Variants in CD226 observed in about 807,000 individuals in gnomAD.
CD226 encodes CD226 molecule.
CD226 carries 24 observed loss-of-function variants against 34.9 expected under a neutral mutation model. The observed-to-expected ratio is 0.69, with a 90% confidence interval of 0.50 to 0.97. The LOEUF (loss-of-function observed/expected upper bound fraction) is 0.97. Among genes scored for constraint, CD226 ranks in the 50% least tolerant of loss-of-function variants. The pLI is 0.00. For synonymous variants in CD226, 148 were observed against 147.4 expected (o/e 1.00, Z -0.03); for missense variants, 397 against 412.7 (o/e 0.96, Z 0.33).
chr18:69,877,757 C>T (rs1020046615), intron 3 of CD226, among the ~76,000 whole-genome samples: 4 of 152,204 alleles, frequency 2.6e-5, no homozygotes, highest in Non-Finnish European at 4.4e-5. Flanking sequence ...CCTAATACCA[C>T]AATACCTGAT....
chr18:69,954,284 T>C (rs1343737439), intron 1 of CD226, among the ~76,000 whole-genome samples: 2 of 152,214 alleles, frequency 1.3e-5, no homozygotes, highest in Non-Finnish European at 2.9e-5. Context: ...AGACACACTC[T>C]GTCACAACTT....
chr18:69,950,203 C>T (rs1237974658), upstream of CD226, among the ~76,000 whole-genome samples: 1 of 152,154 alleles, frequency 6.6e-6, no homozygotes, highest in Non-Finnish European at 1.5e-5. Flanking sequence ...CATGCACGCA[C>T]ACATGCATGC....
rs1032576462 is a variant in CD226 at position 69,860,132 on chromosome 18, T to C, written c.*4182A>G. The stretch of plus-strand genomic sequence containing the variant: ...TTGCATTGAGATAAAAATTACAATG[T>C]ATCATTGATTTGAATTTTTTCTGCA... On this transcript the variant is annotated 3_prime_UTR_variant, in exon 6 of 6. Transcript: ENST00000582621. 1 of 152,212 alleles carries C rather than the reference T, an allele frequency of 6.6e-6. No individual in the cohort carries two copies. Among genetic ancestry groups the C allele is most frequent in the East Asian group, 1.9e-4 (1 of 5,192 alleles). 9.4% of individuals were successfully genotyped at this position (152,212 alleles called of 1,614,324 possible).
chr18:69,872,129 T>C (rs1266416520), intron 4 of CD226, among the ~76,000 whole-genome samples: 1 of 150,812 alleles, frequency 6.6e-6, no homozygotes, highest in Non-Finnish European at 1.5e-5. Context: ...GGAGTGCAGA[T>C]GGACATATTC....
At chr18:69,915,127 C>A (rs934841340) in intron 2 of CD226, among the ~76,000 whole-genome samples, 1 of 152,032 alleles carries the variant, frequency 6.6e-6, no homozygotes, top group Non-Finnish European at 1.5e-5. Context: ...CACCTGGACA[C>A]GATTTCAAAA....
At chr18:69,897,504 C>T (rs1266214049) in intron 2 of CD226, among the ~76,000 whole-genome samples, 3 of 152,174 alleles carry the variant, frequency 2.0e-5, no homozygotes, top group Non-Finnish European at 4.4e-5. Flanking sequence ...TCACAAAACT[C>T]TCTGGCACTA....
chr18:69,918,169 C>T (rs909967562), intron 2 of CD226, among the ~76,000 whole-genome samples: 1 of 152,174 alleles, frequency 6.6e-6, no homozygotes, highest in Non-Finnish European at 1.5e-5. Flanking sequence ...CATCACGTCC[C>T]TGAAAGAGCT....
chr18:69,858,014 T>C lies in CD226; in HGVS notation c.*6300A>G, dbSNP rs1007660536. 1 of 152,122 alleles carries C rather than the reference T, an allele frequency of 6.6e-6. No homozygotes were observed. Among genetic ancestry groups the C allele is most frequent in the Non-Finnish European group, 1.5e-5 (1 of 67,958 alleles). The allele number at this position is 152,122 out of a possible 1,614,324, so 9.4% of individuals were successfully genotyped here. A position where few individuals can be genotyped will look rare whatever the true frequency, so the allele number is the denominator to read the frequency against. ...AGGTTTAAAAATCAATAGATTTGAA[T>C]AAAGTTAAAGTCTAGAAAAATATGC... On this transcript the variant is annotated 3_prime_UTR_variant, in exon 6 of 6. Coordinates refer to ENST00000582621, the MANE Select transcript of CD226 (RefSeq NM_001303618.2).
At chr18:69,959,092 G>T (rs937049467), upstream of CD226, among the ~76,000 whole-genome samples, 1 of 152,096 alleles carries the variant, frequency 6.6e-6, no homozygotes, top group South Asian at 2.1e-4. Flanking sequence ...ATGCAACATT[G>T]TTCCCCCAAC....
exon 1 of CD226, chr18:69,956,937 A>G (rs4891383): frequency 0.9 from 137,090 of 152,232 alleles, 63,063 homozygotes; most frequent in East Asian, 1. Flanking sequence ...CAGCCCACTC[A>G]GGAGCTGACT....
intron 4 of CD226, among the ~76,000 whole-genome samples, chr18:69,872,681 T>A (rs1033582098): frequency 1.3e-5 from 2 of 152,204 alleles, no homozygotes; most frequent in African/African-American, 4.8e-5. Flanking sequence ...ATACAACTAT[T>A]TGAAATTATG....
In CD226 at chr18:69,864,413, G is replaced by C; in HGVS notation, c.912C>G (p.Ile304Met). 5 of 1,613,526 alleles carry C rather than the reference G, an allele frequency of 3.1e-6. No individual in the cohort carries two copies. Among genetic ancestry groups the C allele is most frequent in the Non-Finnish European group, 2.5e-6 (3 of 1,179,566 alleles). ...QKAPNNYRSP[I>M]STSQPTNQSM... The stretch of plus-strand genomic sequence containing the variant: ...ATTGATTGGTAGGTTGACTGGTAGA[G>C]ATGGGACTTCTATAGTTATTGGGTG... The change falls in exon 6 of 6, where the codon ATC becomes ATG. Residue 304 changes from isoleucine (I) to methionine (M), a missense_variant. Coordinates refer to ENST00000582621, the MANE Select transcript of CD226 (RefSeq NM_001303618.2).
rs572210741 is a variant in CD226 at position 69,875,372 on chromosome 18, A to G, written c.728-2126T>C. Among the ~76,000 whole-genome samples the G allele has an allele frequency of 1.4e-3, 207 of 152,304 alleles. 2 individuals carry two copies. The highest frequency in any genetic ancestry group is 4.9e-3 in the African/African-American group (202 of 41,566). On this transcript the variant is annotated intron_variant, in intron 3 of 5. Transcript: ENST00000582621. ...AGGCTGGTCTCGAACTCCTGACCTC[A>G]GGTGATCCATCTGCCTTGGCCTCCC...
At chr18:69,866,712 A>C (rs1335005892) in intron 5 of CD226, among the ~76,000 whole-genome samples, 1 of 152,146 alleles carries the variant, frequency 6.6e-6, no homozygotes, top group Non-Finnish European at 1.5e-5. Context: ...GAACCTCATA[A>C]TGTGACCTCA....
chr18:69,870,431 C>T (rs541663120), intron 4 of CD226, among the ~76,000 whole-genome samples: 28 of 151,808 alleles, frequency 1.8e-4, no homozygotes, highest in Non-Finnish European at 2.8e-4. Flanking sequence ...CCCACCACCA[C>T]GCCCAGCCAA....
At chr18:69,866,911 G>A (rs1042787788) in intron 5 of CD226, among the ~76,000 whole-genome samples, 4 of 152,280 alleles carry the variant, frequency 2.6e-5, no homozygotes, top group Middle Eastern at 6.8e-3. Context: ...AGGATCGACA[G>A]CTCCACTAGA....
intron 2 of CD226, among the ~76,000 whole-genome samples, chr18:69,942,555 C>G (rs947496211): frequency 3.9e-5 from 6 of 152,228 alleles, no homozygotes; most frequent in Admixed American, 2.0e-4. Context: ...TTCTGACATT[C>G]TGCTGCCCTA....
chr18:69,947,107 T>TAA (rs1373971458), intron 1 of CD226, 38 bp from the exon 2 acceptor site: 1 of 1,502,618 alleles, frequency 6.7e-7, no homozygotes, highest in Admixed American at 1.7e-5. Context: ...TTAGCCTTGA[T>TAA]GATGGAAACA....
At chr18:69,959,481 C>T (rs1015482652), upstream of CD226, among the ~76,000 whole-genome samples, 15 of 152,200 alleles carry the variant, frequency 9.9e-5, no homozygotes, top group Middle Eastern at 3.2e-3. Context: ...TACCTCCTTC[C>T]TCTTTTTTTC....
Sources: allele counts gnomAD v4.1 joint callset (sites outside exome capture counted in the v4.1 genomes callset), GRCh38; gene constraint gnomAD v4.1.1; transcripts MANE v1.5; gene names NCBI Gene and HGNC (gene_info 2026-07-23, HGNC 2026-07-21).